Variants in QRFPR observed in about 807,000 individuals in gnomAD.
QRFPR encodes pyroglutamylated RFamide peptide receptor.
Under a neutral mutation model 31.3 loss-of-function variants are expected in QRFPR, and 37 were observed. The ratio of observed to expected loss-of-function variants is 1.18; its 90% confidence interval spans 0.91 to 1.56. QRFPR has a LOEUF of 1.56. Ranked by LOEUF, QRFPR falls within the 40% of genes most tolerant of loss-of-function variation. The probability of loss-of-function intolerance (pLI) is 0.00; values close to 1 mark genes in which losing one functional copy is unlikely to be tolerated. For synonymous variants in QRFPR, 197 were observed against 192.0 expected, an observed-to-expected ratio of 1.03 and a Z score of -0.22; for missense variants, 542 against 532.5, an observed-to-expected ratio of 1.02 and a Z score of -0.18.
At chr4:121,333,116 A>T in intron 3 of QRFPR, 60 bp from the exon 4 acceptor site, 1 of 1,149,322 alleles carries the variant, frequency 8.7e-7, no homozygotes. Flanking sequence ...AACAGAAATC[A>T]GCCAAGTATT....
At chr4:121,378,964 T>C (rs1352236002) in intron 1 of QRFPR, among the ~76,000 whole-genome samples, 1 of 152,184 alleles carries the variant, frequency 6.6e-6, no homozygotes, top group Admixed American at 6.5e-5. Flanking sequence ...ACTCATGTGC[T>C]TTTCCCCAAA....
chr4:121,331,919 C>T (rs556990087), intron 4 of QRFPR, among the ~76,000 whole-genome samples: 2 of 152,302 alleles, frequency 1.3e-5, no homozygotes, highest in East Asian at 1.9e-4. Context: ...CCCCAAATTG[C>T]TATGATTACA....
At chr4:121,356,310 A>G (rs1474214513) in intron 1 of QRFPR, among the ~76,000 whole-genome samples, 1 of 152,182 alleles carries the variant, frequency 6.6e-6, no homozygotes, top group Non-Finnish European at 1.5e-5. Flanking sequence ...ACAATTCTGA[A>G]TTCCTTCTCT....
At chr4:121,349,164 T>C (rs116832229) in intron 1 of QRFPR, among the ~76,000 whole-genome samples, 1,788 of 152,224 alleles carry the variant, frequency 0.012, 36 homozygotes, top group African/African-American at 0.039. Flanking sequence ...GTTTGGAAGA[T>C]TTTATTGATC....
intron 3 of QRFPR, 137 bp from the exon 4 acceptor site, chr4:121,333,193 T>C (rs1244805194): frequency 1.6e-6 from 1 of 607,344 alleles, no homozygotes; most frequent in Non-Finnish European, 2.9e-6. Flanking sequence ...ATGAGATACA[T>C]TTTTAATTGT....
At chr4:121,339,689 C>T (rs1175241089) in intron 2 of QRFPR, among the ~76,000 whole-genome samples, 2 of 152,070 alleles carry the variant, frequency 1.3e-5, no homozygotes, top group Non-Finnish European at 1.5e-5. Flanking sequence ...GTAATCCTAG[C>T]ATGTTGGGAG....
intron 1 of QRFPR, among the ~76,000 whole-genome samples, chr4:121,352,946 A>G (rs1725792051): frequency 6.6e-6 from 1 of 152,018 alleles, no homozygotes; most frequent in South Asian, 2.1e-4. Flanking sequence ...TCGTTCCCAC[A>G]TATGAGTGAG....
chr4:121,347,776 A>G (rs572320415), intron 1 of QRFPR, among the ~76,000 whole-genome samples: 2 of 152,220 alleles, frequency 1.3e-5, no homozygotes, highest in East Asian at 1.9e-4. Flanking sequence ...TCCACAGGAT[A>G]TTAAGTATTC....
At chr4:121,340,815 G>C (rs1725529627) in intron 1 of QRFPR, among the ~76,000 whole-genome samples, 1 of 152,118 alleles carries the variant, frequency 6.6e-6, no homozygotes, top group African/African-American at 2.4e-5. Context: ...GTTCCTAAAT[G>C]CTATGCAATT....
chr4:121,340,374 C>A lies in QRFPR; in HGVS notation c.499+78G>T, dbSNP rs745682517. On this transcript the variant is annotated intron_variant, in intron 2 of 5. Coordinates refer to ENST00000394427, the MANE Select transcript of QRFPR (RefSeq NM_198179.3). ...ACAAGTTAGATAAGAAGCTACTCTT[C>A]TAGTTTAAAAATATGGTTCTCTATT... The A allele has an allele frequency of 6.8e-6, 10 of 1,475,710 alleles. No individual in the cohort carries two copies. The African/African-American group carries it at 1.1e-4, about 16-fold the overall frequency. 91.4% of individuals were successfully genotyped at this position (1,475,710 alleles called of 1,614,324 possible).
chr4:121,334,816 A>G (rs955908253), intron 3 of QRFPR, among the ~76,000 whole-genome samples: 6 of 152,244 alleles, frequency 3.9e-5, no homozygotes, highest in Admixed American at 6.5e-5. Context: ...TGCTGAAGGC[A>G]GGGTGCTTTG....
rs192553907 is a variant in QRFPR at position 121,371,213 on chromosome 4, T to C, written c.340+9095A>G. The stretch of plus-strand genomic sequence containing the variant: ...TCTCTGATATGACAGTAAATGTGTT[T>C]CTCCAAAACCAAGCTACAGGTAGGA... On this transcript the variant is annotated intron_variant, in intron 1 of 5. Coordinates refer to ENST00000394427, the MANE Select transcript of QRFPR (RefSeq NM_198179.3). Among the ~76,000 whole-genome samples, 8 of 152,334 alleles carry C rather than the reference T, an allele frequency of 5.3e-5. No homozygotes were observed. In the East Asian group the frequency reaches 1.5e-3, roughly 29 times the overall value.
At chr4:121,378,926 C>A (rs1338273176) in intron 1 of QRFPR, among the ~76,000 whole-genome samples, 2 of 152,202 alleles carry the variant, frequency 1.3e-5, no homozygotes, top group Non-Finnish European at 2.9e-5. Flanking sequence ...CCTCATAAAT[C>A]TGCTTTCACA....
chr4:121,334,751 C>T, intron 3 of QRFPR: 1 of 249,958 alleles, frequency 4.0e-6, no homozygotes, highest in Non-Finnish European at 8.3e-6. Flanking sequence ...TTGATAAATA[C>T]ATCACTCATG....
At chr4:121,379,424 A>G (rs1726424498) in intron 1 of QRFPR, among the ~76,000 whole-genome samples, 1 of 152,230 alleles carries the variant, frequency 6.6e-6, no homozygotes, top group South Asian at 2.1e-4. Flanking sequence ...GAATACACCC[A>G]ACCGTGAAAA....
chr4:121,334,515 T>C (rs1465940648), intron 3 of QRFPR: 1 of 197,820 alleles, frequency 5.1e-6, no homozygotes, highest in Non-Finnish European at 1.1e-5. Flanking sequence ...AAGACATAAT[T>C]CAATGACTGA....
intron 1 of QRFPR, among the ~76,000 whole-genome samples, chr4:121,352,957 A>C (rs1725792483): frequency 6.6e-6 from 1 of 152,056 alleles, no homozygotes; most frequent in East Asian, 1.9e-4. Context: ...TATGAGTGAG[A>C]ACACGTGACA....
At chr4:121,365,580 ATT>A (rs1466311036) in intron 1 of QRFPR, among the ~76,000 whole-genome samples, 4 of 4,826 alleles carry the variant, frequency 8.3e-4, no homozygotes, top group African/African-American at 1.4e-3. Context: ...TATAATATAT[ATT>A]ATATATATTA....
chr4:121,339,108 T>C (rs1257597907), intron 2 of QRFPR, among the ~76,000 whole-genome samples: 1 of 152,250 alleles, frequency 6.6e-6, no homozygotes, highest in Non-Finnish European at 1.5e-5. Context: ...AAAATGACTT[T>C]GGCATTGCAA....
Sources: allele counts gnomAD v4.1 joint callset (sites outside exome capture counted in the v4.1 genomes callset), GRCh38; gene constraint gnomAD v4.1.1; transcripts MANE v1.5; gene names NCBI Gene and HGNC (gene_info 2026-07-23, HGNC 2026-07-21).